The following STK32B variants were observed in gnomAD, a reference collection of about 807,000 sequenced individuals.
The protein encoded by STK32B is serine/threonine kinase 32B.
In STK32B, 43 loss-of-function variants were observed where a neutral mutation model predicts 52.6. That is an observed-to-expected ratio of 0.82 (90% CI 0.64 to 1.05). STK32B has a LOEUF of 1.05. Ranked by LOEUF, STK32B falls within the 50% of genes least tolerant of loss-of-function variation. The probability of loss-of-function intolerance (pLI) is 0.00; values close to 1 mark genes in which losing one functional copy is unlikely to be tolerated. For missense variants in STK32B, 621 were observed against 534.6 expected (o/e 1.16, Z -1.59); for synonymous variants, 238 against 204.3 (o/e 1.17, Z -1.41).
At chr4:5,209,087 C>A (rs1722751300) in intron 3 of STK32B, among the ~76,000 whole-genome samples, 1 of 152,222 alleles carries the variant, frequency 6.6e-6, no homozygotes, top group Non-Finnish European at 1.5e-5. Context: ...CAGCTGCCTC[C>A]CCCTCAGCAC....
intron 11 of STK32B, among the ~76,000 whole-genome samples, chr4:5,491,680 T>G (rs1012005219): frequency 2.6e-5 from 4 of 152,108 alleles, no homozygotes; most frequent in Non-Finnish European, 5.9e-5. Context: ...TGGTAATGCC[T>G]AGGTTTTCTT....
At chr4:5,417,030 A>G (rs975311670) in intron 6 of STK32B, 96 bp downstream of exon 6, 27 of 1,083,464 alleles carry the variant, frequency 2.5e-5, no homozygotes, top group African/African-American at 2.4e-4. Context: ...CCGCTGCCAC[A>G]TACCCTCCCA....
In STK32B at chr4:5,394,939, T is replaced by A. The variant is rs2109041461; in HGVS notation, c.435-3268T>A. 6.6e-6 allele frequency among the ~76,000 whole-genome samples: 1 copy of A among 152,336 alleles called. No homozygotes were observed. Among genetic ancestry groups the A allele is most frequent in the Non-Finnish European group, 1.5e-5 (1 of 68,028 alleles). On this transcript the variant is annotated intron_variant, in intron 4 of 11. Coordinates refer to ENST00000282908, the MANE Select transcript of STK32B (RefSeq NM_018401.3). The surrounding 1 kb of genome is among the most constrained non-coding windows in gnomAD (Gnocchi z 4.2). ...GCCCAGGAGTCCAGGTGGGCTTAAC[T>A]GGATCATCTGCATAGGATCTCACAA...
At chr4:5,338,827 A>C (rs1732883092) in intron 4 of STK32B, among the ~76,000 whole-genome samples, 2 of 152,230 alleles carry the variant, frequency 1.3e-5, no homozygotes, top group South Asian at 4.1e-4. Flanking sequence ...TTTAAAGTCT[A>C]CTAGGCAAAT....
intron 3 of STK32B, among the ~76,000 whole-genome samples, chr4:5,172,775 T>A (rs538194746): frequency 3.3e-5 from 5 of 152,278 alleles, no homozygotes; most frequent in African/African-American, 1.2e-4. Flanking sequence ...ATTCTCTTTT[T>A]TGGTTGTGTC....
chr4:5,151,910 C>T (rs1195954471), intron 2 of STK32B, among the ~76,000 whole-genome samples: 5 of 152,072 alleles, frequency 3.3e-5, no homozygotes, highest in Admixed American at 6.6e-5. Flanking sequence ...TGGAGAACAC[C>T]GCCCCCTCCT....
intron 3 of STK32B, among the ~76,000 whole-genome samples, chr4:5,210,797 CTTTT>C (rs373764187): frequency 7.0e-6 from 1 of 142,994 alleles, no homozygotes. Flanking sequence ...TTTAGAAATA[CTTTT>C]TTTTTTTTTT....
chr4:5,186,187 C>A lies in STK32B; in HGVS notation c.260+17737C>A, dbSNP rs1394269376. On this transcript the variant is annotated intron_variant, in intron 3 of 11. Coordinates refer to ENST00000282908, the MANE Select transcript of STK32B (RefSeq NM_018401.3). The stretch of plus-strand genomic sequence containing the variant: ...GGAGTTCATAGTCCAGGCCTCACCT[C>A]CTCCATCAGCCCTCCTCGGGACACC... Among the ~76,000 whole-genome samples the A allele has an allele frequency of 2.0e-5, 3 of 152,292 alleles. No homozygotes were observed. The East Asian group carries it at 5.8e-4, about 29-fold the overall frequency.
intron 11 of STK32B, among the ~76,000 whole-genome samples, chr4:5,477,985 C>T (rs546377530): frequency 4.8e-4 from 73 of 152,250 alleles, no homozygotes; most frequent in African/African-American, 1.7e-3. Flanking sequence ...AAAGCTCAGC[C>T]TCACCTCCGA....
At chr4:5,426,101 C>A (rs887534416) in intron 6 of STK32B, among the ~76,000 whole-genome samples, 1 of 152,118 alleles carries the variant, frequency 6.6e-6, no homozygotes, top group Non-Finnish European at 1.5e-5. Flanking sequence ...ATTTCCATTT[C>A]TCTGGAATAA....
chr4:5,046,348 C>A, the STK32B span, among the ~76,000 whole-genome samples: 1 of 152,076 alleles, frequency 6.6e-6, no homozygotes. Flanking sequence ...TTCCATATAC[C>A]TTATACAAAA....
intron 1 of STK32B, among the ~76,000 whole-genome samples, chr4:5,108,087 T>A (rs1180559231): frequency 6.6e-6 from 1 of 152,210 alleles, no homozygotes; most frequent in Admixed American, 6.5e-5. Context: ...GCCCTGATTT[T>A]ACCACCATTA....
intron 6 of STK32B, among the ~76,000 whole-genome samples, chr4:5,430,503 T>C (rs1256924401): frequency 6.6e-6 from 1 of 152,252 alleles, no homozygotes; most frequent in Non-Finnish European, 1.5e-5. Flanking sequence ...TTGAAATGTT[T>C]TAAATTCCTT....
At chr4:5,487,514 T>C (rs1719328123) in intron 11 of STK32B, among the ~76,000 whole-genome samples, 1 of 152,154 alleles carries the variant, frequency 6.6e-6, no homozygotes, top group African/African-American at 2.4e-5. Flanking sequence ...CTAAAGACTG[T>C]GGAGGAAACT....
At chr4:5,387,525 G>GC (rs1736336378) in intron 4 of STK32B, among the ~76,000 whole-genome samples, 1 of 152,184 alleles carries the variant, frequency 6.6e-6, no homozygotes, top group Non-Finnish European at 1.5e-5. Context: ...CAAACTGAGA[G>GC]GTGACGGGTG....
At position 5,449,320 on chromosome 4, in the gene STK32B, G is replaced by C. The variant is rs546608298; in HGVS notation, c.666+2544G>C. 3.9e-5 allele frequency among the ~76,000 whole-genome samples: 6 copies of C among 152,308 alleles called. 1 individual carries two copies. The highest frequency in any genetic ancestry group is 1.4e-4 in the African/African-American group (6 of 41,566). Reference sequence around the variant, plus strand: ...ATCGTGCCACTGCACTCTAGCCTGGGTGTGACAGAGCAAGACTCTGTCTCA... The same window carrying C: ...ATCGTGCCACTGCACTCTAGCCTGGCTGTGACAGAGCAAGACTCTGTCTCA... On this transcript the variant is annotated intron_variant, in intron 7 of 11. Coordinates refer to ENST00000282908, the MANE Select transcript of STK32B (RefSeq NM_018401.3).
In STK32B at chr4:5,310,519, TCAAAAAGA is replaced by T. The variant is rs1730223628; in HGVS notation, c.261-20694_261-20687del. On this transcript the variant is annotated intron_variant, in intron 3 of 11. Transcript: ENST00000282908. ...CTCACCCCATTTATAATGGCTATCA[TCAAAAAGA>T]CAAAAATAACAAATGCTGGCAAGGA... Among the ~76,000 whole-genome samples the T allele has an allele frequency of 4.6e-5, 7 of 151,964 alleles. No homozygotes were observed. In the South Asian group the frequency reaches 1.5e-3, roughly 32 times the overall value.
At chr4:5,326,558 T>C (rs1440003824) in intron 3 of STK32B, among the ~76,000 whole-genome samples, 1 of 152,314 alleles carries the variant, frequency 6.6e-6, no homozygotes, top group East Asian at 1.9e-4. Context: ...TTTTTTCGTT[T>C]TCTAGTGCCT....
chr4:5,064,980 C>T (rs996674835), intron 1 of STK32B, among the ~76,000 whole-genome samples: 1 of 151,350 alleles, frequency 6.6e-6, no homozygotes, highest in Admixed American at 6.6e-5. Context: ...CCAAGGTTGC[C>T]CCCTGCTTTT....
Sources: allele counts gnomAD v4.1 joint callset (sites outside exome capture counted in the v4.1 genomes callset), GRCh38; gene constraint gnomAD v4.1.1; non-coding constraint Gnocchi (gnomAD v3.1); transcripts MANE v1.5; gene names NCBI Gene and HGNC (gene_info 2026-07-23, HGNC 2026-07-21).